Variants in PGLS observed in about 807,000 individuals in gnomAD.
PGLS encodes the protein 6-phosphogluconolactonase.
In PGLS, 21 loss-of-function variants were observed where a neutral mutation model predicts 23.2. The ratio of observed to expected loss-of-function variants is 0.91; its 90% CI spans 0.64 to 1.31. PGLS has a LOEUF of 1.31. Ranked by LOEUF, PGLS falls within the 50% of genes most tolerant of loss-of-function variation. The pLI is 0.00. For synonymous variants in PGLS, 179 were observed against 165.4 expected, an observed-to-expected ratio of 1.08 and a Z score of -0.63; for missense variants, 410 against 354.0, an observed-to-expected ratio of 1.16 and a Z score of -1.27.
In PGLS at chr19:17,521,002, C is replaced by G. The variant is rs141991345; in HGVS notation, c.698C>G (p.Thr233Ser). ...CCCGCCGCCCTGGTCCAGCCCCACA[C>G]CGGGAAACTGTGCTGGTTCTTGGAC... ...PLPAALVQPH[T>S]GKLCWFLDEA... Residue 233 changes from threonine to serine, a missense_variant, in exon 5 of 5, where the codon ACC becomes AGC. Coordinates refer to ENST00000252603, the MANE Select transcript of PGLS (RefSeq NM_012088.3). The G allele has an allele frequency of 1.2e-6, 2 of 1,600,766 alleles. No homozygotes were observed. Among genetic ancestry groups the G allele is most frequent in the Non-Finnish European group, 1.7e-6 (2 of 1,172,908 alleles).
intron 1 of PGLS, 52 bp from the exon 2 acceptor site, chr19:17,516,121 G>A: frequency 2.2e-6 from 3 of 1,336,084 alleles, no homozygotes; most frequent in Non-Finnish European, 2.2e-6. Context: ...CTCCCTGGAG[G>A]ATCCAGGTGG....
At chr19:17,512,127 C>A in intron 1 of PGLS, 167 bp downstream of exon 1, 1 of 722,656 alleles carries the variant, frequency 1.4e-6, no homozygotes, top group Non-Finnish European at 2.1e-6. Flanking sequence ...GTGCCCACTG[C>A]CTGCACCTCG....
chr19:17,511,728 G>C lies in PGLS; in HGVS notation c.56G>C (p.Gly19Ala), dbSNP rs1179785404. Residue 19 changes from glycine (G) to alanine (A), a missense_variant, in exon 1 of 5, where the codon GGT (glycine) becomes GCT (alanine). Coordinates refer to ENST00000252603, the MANE Select transcript of PGLS (RefSeq NM_012088.3). ...ISVFSSSQEL[G>A]AALAQLVAQR... ...GTGTTCTCGAGTTCCCAGGAGCTGG[G>C]TGCGGCGCTAGCGCAGCTGGTGGCC... 4 of 1,508,778 alleles carry C rather than the reference G, an allele frequency of 2.7e-6. No individual in the cohort carries two copies. Among genetic ancestry groups the C allele is most frequent in the Non-Finnish European group, 3.5e-6 (4 of 1,135,520 alleles). 93.5% of individuals were successfully genotyped at this position (1,508,778 alleles called of 1,614,324 possible).
rs993070599 is a variant in PGLS, at chr19:17,516,096, C to T, written c.289-77C>T. 5.1e-5 allele frequency: 55 copies of T among 1,070,908 alleles called. No individual in the cohort carries two copies. The Admixed American group carries it at 7.6e-4, about 15-fold the overall frequency. 66.3% of individuals were successfully genotyped at this position (1,070,908 alleles called of 1,614,324 possible). A position where few individuals can be genotyped will look rare whatever the true frequency, so the allele number is the denominator to read the frequency against. On this transcript the variant is annotated intron_variant, in intron 1 of 4. Transcript: ENST00000252603. ...CCCCATCTGTAAATGAGTGTTATGA[C>T]GGTACTGTCATAAACTCCCTGGAGG...
In PGLS at chr19:17,521,230, G is replaced by C. The variant is rs2075556504; in HGVS notation, c.*149G>C. On this transcript the variant is annotated 3_prime_UTR_variant, in exon 5 of 5. Transcript: ENST00000252603. ...GCCTCCGGCCAGCAGCCCTACCCGG[G>C]GCTCAACACACAGGCTGTGGCTCTG... The C allele has an allele frequency of 4.1e-6, 3 of 723,466 alleles. No individual in the cohort carries two copies. Among genetic ancestry groups the C allele is most frequent in the Non-Finnish European group, 6.6e-6 (3 of 452,222 alleles). 44.8% of individuals were successfully genotyped at this position (723,466 alleles called of 1,614,324 possible).
intron 4 of PGLS, 148 bp from the exon 5 acceptor site, chr19:17,520,796 C>A: frequency 1.5e-6 from 1 of 657,112 alleles, no homozygotes; most frequent in Non-Finnish European, 2.3e-6. Flanking sequence ...CTTGTCCCTG[C>A]TGTTTGGCAC....
chr19:17,513,703 C>T (rs541757774), intron 1 of PGLS, among the ~76,000 whole-genome samples: 4 of 152,104 alleles, frequency 2.6e-5, no homozygotes, highest in South Asian at 2.1e-4. Context: ...CCTGTAATCC[C>T]GGCTACAGGG....
chr19:17,514,182 A>T (rs1465878452), intron 1 of PGLS, among the ~76,000 whole-genome samples: 1 of 152,188 alleles, frequency 6.6e-6, no homozygotes. Context: ...GTCACGCCCC[A>T]TCTGAAAGCT....
At chr19:17,512,032 G>T in intron 1 of PGLS, 72 bp downstream of exon 1, 1 of 1,415,650 alleles carries the variant, frequency 7.1e-7, no homozygotes, top group Non-Finnish European at 9.3e-7. Context: ...CGGCTACGGA[G>T]GCCGCCGGGG....
chr19:17,517,424 T>C lies in PGLS; in HGVS notation c.498+35T>C, dbSNP rs745813955. 7 of 1,503,178 alleles carry C rather than the reference T, an allele frequency of 4.7e-6. No individual in the cohort carries two copies. In the African/African-American group the frequency reaches 8.2e-5, roughly 18 times the overall value. 93.1% of individuals were successfully genotyped at this position (1,503,178 alleles called of 1,614,324 possible). A position where few individuals can be genotyped will look rare whatever the true frequency, so the allele number is the denominator to read the frequency against. The stretch of plus-strand genomic sequence containing the variant: ...CCAATGCGGGGTTCCACCCTAGTCC[T>C]GAGCCCAGTCCCTAACATCTGGGAC... On this transcript the variant is annotated intron_variant, in intron 3 of 4. Coordinates refer to ENST00000252603, the MANE Select transcript of PGLS (RefSeq NM_012088.3).
Position 17,520,878 on chromosome 19 carries a change from A to G in PGLS, c.640-66A>G, listed in dbSNP as rs531214927. ...CTTATTTATCCTTGGTTGGGGAGCC[A>G]GGAGAGTGCCGAGGGGCGGTGCCTG... On this transcript the variant is annotated intron_variant, in intron 4 of 4. Transcript: ENST00000252603. The G allele has an allele frequency of 8.3e-5, 121 of 1,461,416 alleles. No homozygotes were observed. The South Asian group carries it at 1.5e-3, about 18-fold the overall frequency. 90.5% of individuals were successfully genotyped at this position (1,461,416 alleles called of 1,614,324 possible).
chr19:17,517,253 A>G, intron 2 of PGLS, 35 bp from the exon 3 acceptor site: 3 of 1,422,924 alleles, frequency 2.1e-6, no homozygotes, highest in East Asian at 2.3e-5. Context: ...CCTGCCACCT[A>G]CAACCTCTCA....
At chr19:17,515,054 G>T (rs931514510) in intron 1 of PGLS, among the ~76,000 whole-genome samples, 3 of 152,174 alleles carry the variant, frequency 2.0e-5, no homozygotes, top group Admixed American at 6.5e-5. Context: ...CTCCCAAAGT[G>T]CTGGGATTAC....
Position 17,511,932 on chromosome 19 carries a change from A to C in PGLS, c.260A>C (p.His87Pro). The change falls in exon 1 of 5, where the codon CAC becomes CCC. Residue 87 changes from histidine (H) to proline (P), a missense_variant. Physicochemically the swap from His to Pro is moderately conservative, Grantham distance 77 (BLOSUM62 -2). Coordinates refer to ENST00000252603, the MANE Select transcript of PGLS (RefSeq NM_012088.3). Reference protein sequence around the residue: ...FCDERLVPFDHAESTYGLYRT... With the variant: ...FCDERLVPFDPAESTYGLYRT... ...GACGAGCGCCTCGTGCCCTTCGATCACGCCGAGAGCACGTACGGCCTCTAC... is the reference window on the plus strand; with the variant it reads ...GACGAGCGCCTCGTGCCCTTCGATCCCGCCGAGAGCACGTACGGCCTCTAC... The C allele has an allele frequency of 6.5e-7, 1 of 1,549,818 alleles. No homozygotes were observed. The highest frequency in any genetic ancestry group is 2.5e-5 in the East Asian group (1 of 40,606).
At chr19:17,513,267 C>G (rs963544218) in intron 1 of PGLS, 2 of 151,816 alleles carry the variant, frequency 1.3e-5, no homozygotes, top group African/African-American at 4.8e-5. Flanking sequence ...CGGTGGCTCA[C>G]GCTTGTAATC....
chr19:17,515,270 C>T (rs995811250), intron 1 of PGLS, among the ~76,000 whole-genome samples: 8 of 152,172 alleles, frequency 5.3e-5, no homozygotes, highest in Non-Finnish European at 8.8e-5. Context: ...TCATACTCCT[C>T]AGGTCAGCAT....
Position 17,520,967 on chromosome 19 carries a change from A to G in PGLS, c.663A>G (p.Glu221=). Residue 221 remains glutamate (E), a synonymous_variant, in exon 5 of 5, where the codon GAA becomes GAG. Transcript: ENST00000252603. ...VLKRILEDQE[E]NPLPAALVQP... Reference sequence around the variant, plus strand: ...AGCGCATTTTGGAGGACCAGGAGGAAAACCCGCTGCCCGCCGCCCTGGTCC... The same window carrying G: ...AGCGCATTTTGGAGGACCAGGAGGAGAACCCGCTGCCCGCCGCCCTGGTCC... 6.3e-7 allele frequency: 1 copy of G among 1,598,640 alleles called. No individual in the cohort carries two copies. The highest frequency in any genetic ancestry group is 8.5e-7 in the Non-Finnish European group (1 of 1,172,148).
chr19:17,520,152 C>CA lies in PGLS; in HGVS notation c.640-784dup, dbSNP rs967773727. 1.5e-4 allele frequency among the ~76,000 whole-genome samples: 22 copies of CA among 151,022 alleles called. No individual in the cohort carries two copies. The South Asian group carries it at 3.6e-3, about 24-fold the overall frequency. ...TGGATGACAGCGCAAGACCTTGTCT[C>CA]AAAAAAAATGCAAATAGTTACAGTG... On this transcript the variant is annotated intron_variant, in intron 4 of 4. Coordinates refer to ENST00000252603, the MANE Select transcript of PGLS (RefSeq NM_012088.3).
At chr19:17,513,826 T>G (rs1412234533) in intron 1 of PGLS, among the ~76,000 whole-genome samples, 2 of 152,052 alleles carry the variant, frequency 1.3e-5, no homozygotes, top group Non-Finnish European at 2.9e-5. Context: ...TCAAAATAAA[T>G]AATTGTGAAA....
Sources: allele counts gnomAD v4.1 joint callset (sites outside exome capture counted in the v4.1 genomes callset), GRCh38; gene constraint gnomAD v4.1.1; transcripts MANE v1.5; gene names NCBI Gene and HGNC (gene_info 2026-07-23, HGNC 2026-07-21).